CDH18: variants seen among roughly 807,000 people sequenced by gnomAD.
CDH18 encodes the protein cadherin 18.
In CDH18, 31 loss-of-function variants were observed where a neutral mutation model predicts 67.9. The observed-to-expected ratio is 0.46, with a 90% confidence interval of 0.34 to 0.62. The LOEUF is 0.62. Ranked by LOEUF, CDH18 falls within the 20% of genes least tolerant of loss-of-function variation. The pLI is 0.01. For missense variants in CDH18, 890 were observed against 975.5 expected (o/e 0.91, Z 1.17); for synonymous variants, 362 against 347.2 (o/e 1.04, Z -0.48).
chr5:19,566,984 G>T (rs1475481157), intron 8 of CDH18, among the ~76,000 whole-genome samples: 2 of 152,090 alleles, frequency 1.3e-5, no homozygotes, highest in African/African-American at 4.8e-5. Context: ...GGCACAGAAA[G>T]ACAAACTTCA....
At chr5:20,518,422 C>G (rs1755509261) in intron 1 of CDH18, among the ~76,000 whole-genome samples, 1 of 152,086 alleles carries the variant, frequency 6.6e-6, no homozygotes, top group Non-Finnish European at 1.5e-5. Context: ...TATCATCTCC[C>G]AAGTATGATT....
At chr5:19,894,797 A>G (rs1196130336) in intron 2 of CDH18, among the ~76,000 whole-genome samples, 1 of 152,120 alleles carries the variant, frequency 6.6e-6, no homozygotes, top group Non-Finnish European at 1.5e-5. Flanking sequence ...GACTTGTTCA[A>G]TGTTAGTGAA....
At chr5:20,425,082 A>C (rs1350916750) in intron 1 of CDH18, among the ~76,000 whole-genome samples, 6 of 150,796 alleles carry the variant, frequency 4.0e-5, no homozygotes, top group Non-Finnish European at 7.4e-5. Flanking sequence ...AAAAATTAAA[A>C]TAAGGCTGGG....
intron 1 of CDH18, among the ~76,000 whole-genome samples, chr5:20,420,910 C>A (rs759453879): frequency 6.6e-6 from 1 of 151,214 alleles, no homozygotes; most frequent in African/African-American, 2.5e-5. Context: ...TGCTTTTTCA[C>A]GAAAACTGAA....
At chr5:20,199,178 A>T (rs912815284) in intron 2 of CDH18, among the ~76,000 whole-genome samples, 2 of 152,164 alleles carry the variant, frequency 1.3e-5, no homozygotes, top group African/African-American at 4.8e-5. Flanking sequence ...GAGAGCTCCA[A>T]TAACAGCTTG....
At chr5:20,213,218 A>T (rs886110819) in intron 2 of CDH18, among the ~76,000 whole-genome samples, 1 of 152,180 alleles carries the variant, frequency 6.6e-6, no homozygotes, top group Admixed American at 6.6e-5. Flanking sequence ...CTAAAGAGAG[A>T]GAAGAGATGG....
chr5:20,202,107 T>C (rs1214884184), intron 2 of CDH18, among the ~76,000 whole-genome samples: 1 of 152,166 alleles, frequency 6.6e-6, no homozygotes, highest in Non-Finnish European at 1.5e-5. Flanking sequence ...ATTAATCTAA[T>C]TATATATGCT....
At chr5:19,589,571 T>C (rs571306028) in intron 7 of CDH18, among the ~76,000 whole-genome samples, 11 of 152,126 alleles carry the variant, frequency 7.2e-5, no homozygotes, top group Admixed American at 2.0e-4. Context: ...AAATGCTAGA[T>C]GTTGGGAATG....
chr5:20,298,984 A>C (rs1747747824), intron 1 of CDH18, among the ~76,000 whole-genome samples: 1 of 152,178 alleles, frequency 6.6e-6, no homozygotes, highest in African/African-American at 2.4e-5. Flanking sequence ...AGATGGGGAG[A>C]TATAGGAGAT....
chr5:20,029,985 G>C lies in CDH18; in HGVS notation c.-517-37971C>G, dbSNP rs910576731. The stretch of plus-strand genomic sequence containing the variant: ...TTTAGTTTCATGTAGTTGTAGGATT[G>C]AGGTATTGTTTTCCATGATGGCTGT... On this transcript the variant is annotated intron_variant, in intron 2 of 14. Transcript: ENST00000507958. Among the ~76,000 whole-genome samples, 4 of 152,266 alleles carry C rather than the reference G, an allele frequency of 2.6e-5. No individual in the cohort carries two copies. The East Asian group carries it at 7.7e-4, about 29-fold the overall frequency.
At chr5:20,146,055 C>T (rs1750618171) in intron 2 of CDH18, among the ~76,000 whole-genome samples, 1 of 152,108 alleles carries the variant, frequency 6.6e-6, no homozygotes, top group East Asian at 1.9e-4. Context: ...TTCAGGACAA[C>T]CTCATTCTCA....
intron 1 of CDH18, among the ~76,000 whole-genome samples, chr5:20,422,420 A>T (rs1747935095): frequency 6.6e-6 from 1 of 151,040 alleles, no homozygotes; most frequent in South Asian, 2.1e-4. Flanking sequence ...TGGATGACTT[A>T]ATAATATTAA....
intron 2 of CDH18, among the ~76,000 whole-genome samples, chr5:19,842,481 G>T (rs1208834213): frequency 6.6e-6 from 1 of 152,144 alleles, no homozygotes; most frequent in African/African-American, 2.4e-5. Flanking sequence ...GAACATGTTT[G>T]CTTCCCATTT....
intron 5 of CDH18, among the ~76,000 whole-genome samples, chr5:19,651,460 A>G (rs1455605588): frequency 1.3e-5 from 2 of 152,100 alleles, no homozygotes; most frequent in African/African-American, 4.8e-5. Context: ...AGATCAGCCA[A>G]TAACTGGTTA....
intron 5 of CDH18, among the ~76,000 whole-genome samples, chr5:19,651,620 A>G (rs1216905911): frequency 6.6e-6 from 1 of 152,086 alleles, no homozygotes; most frequent in Non-Finnish European, 1.5e-5. Context: ...TCTCATTGAA[A>G]CTATAAGATA....
intron 10 of CDH18, among the ~76,000 whole-genome samples, chr5:19,511,821 C>T (rs993351107): frequency 3.3e-5 from 5 of 152,022 alleles, no homozygotes; most frequent in African/African-American, 1.2e-4. Flanking sequence ...AATTTGAAGC[C>T]TGACAATGAA....
intron 2 of CDH18, among the ~76,000 whole-genome samples, chr5:19,885,159 A>T (rs1252111646): frequency 6.6e-6 from 1 of 152,204 alleles, no homozygotes; most frequent in East Asian, 1.9e-4. Context: ...TGGTGCCAAC[A>T]TATCAAAGTT....
At chr5:20,052,238 C>G (rs1018357134) in intron 2 of CDH18, among the ~76,000 whole-genome samples, 1 of 152,036 alleles carries the variant, frequency 6.6e-6, no homozygotes, top group Admixed American at 6.6e-5. Context: ...TTACCTGGAC[C>G]CTTAGTGACA....
chr5:19,921,795 A>T (rs897718559), intron 2 of CDH18, among the ~76,000 whole-genome samples: 2 of 152,162 alleles, frequency 1.3e-5, no homozygotes, highest in South Asian at 4.1e-4. Flanking sequence ...GATAATTTTT[A>T]AAATTATGTT....
Sources: gnomAD v4.1 joint callset for allele counts (sites outside exome capture counted in the v4.1 genomes callset) on GRCh38, gnomAD v4.1.1 for gene constraint, MANE v1.5 for transcripts, NCBI Gene and HGNC (gene_info 2026-07-23, HGNC 2026-07-21) for gene names.